Variants in SEL1L2 observed in about 807,000 individuals in gnomAD.
SEL1L2 encodes SEL1L2 adaptor subunit of SYVN1 ubiquitin ligase.
SEL1L2 carries 89 observed loss-of-function variants against 98.8 expected under a neutral mutation model. The observed-to-expected ratio is 0.90, with a 90% CI of 0.76 to 1.07. SEL1L2 has a LOEUF of 1.07. SEL1L2 is among the 50% of genes least tolerant of loss of function. SEL1L2 has a pLI of 0.00. For synonymous variants in SEL1L2, 262 were observed against 278.5 expected (o/e 0.94, Z 0.59); for missense variants, 788 against 812.0 (o/e 0.97, Z 0.36).
intron 1 of SEL1L2, among the ~76,000 whole-genome samples, chr20:13,987,780 T>A (rs1239036084): frequency 6.6e-6 from 1 of 152,242 alleles, no homozygotes. Context: ...TTGTTCATCT[T>A]CTTTGGGAAA....
Position 13,931,697 on chromosome 20 carries a change from T to C in SEL1L2, c.189A>G (p.Lys63=), listed in dbSNP as rs377714335. 364 of 1,568,790 alleles carry C rather than the reference T, an allele frequency of 2.3e-4. No individual in the cohort carries two copies. In the Middle Eastern group the frequency reaches 5.5e-3, roughly 24 times the overall value. ...TCTTTTTCTCCAGGAGATTTTCTCTTTTATTGATTACATTACTAGATGTTC... is the reference window on the plus strand; with the variant it reads ...TCTTTTTCTCCAGGAGATTTTCTCTCTTATTGATTACATTACTAGATGTTC... ...EQRTSSNVIN[K]RENLLEKKKN... Residue 63 remains lysine (K), a synonymous_variant, in exon 3 of 20, where the codon AAA becomes AAG. Coordinates refer to ENST00000284951, the MANE Select transcript of SEL1L2 (RefSeq NM_025229.2).
At chr20:13,880,369 G>T (rs1277982855) in intron 10 of SEL1L2, among the ~76,000 whole-genome samples, 1 of 152,074 alleles carries the variant, frequency 6.6e-6, no homozygotes, top group Non-Finnish European at 1.5e-5. Flanking sequence ...ATTTGATAAA[G>T]ACCTAAAGGA....
rs199562329 is a variant in SEL1L2 at position 13,941,411 on chromosome 20, CT to C, written c.115-9641del. Among the ~76,000 whole-genome samples the C allele has an allele frequency of 7.0e-3, 1,065 of 152,306 alleles. 13 individuals carry two copies. Among genetic ancestry groups the C allele is most frequent in the African/African-American group, 0.024 (1,005 of 41,570 alleles). Reference sequence around the variant, plus strand: ...TTCACTGCCTTCCCCGGGTTTCTGGCTTCTTGAATAAAGCTAACTTTCCTTT... The same window carrying C: ...TTCACTGCCTTCCCCGGGTTTCTGGCTCTTGAATAAAGCTAACTTTCCTTT... On this transcript the variant is annotated intron_variant, in intron 2 of 19. Coordinates refer to ENST00000284951, the MANE Select transcript of SEL1L2 (RefSeq NM_025229.2).
At chr20:13,883,583 A>G (rs901168229) in intron 10 of SEL1L2, among the ~76,000 whole-genome samples, 3 of 152,236 alleles carry the variant, frequency 2.0e-5, no homozygotes, top group Admixed American at 1.3e-4. Flanking sequence ...ATGAGCCCAC[A>G]GGAGATCCTG....
At chr20:13,933,660 A>T (rs2049259257) in intron 2 of SEL1L2, among the ~76,000 whole-genome samples, 1 of 152,206 alleles carries the variant, frequency 6.6e-6, no homozygotes, top group Non-Finnish European at 1.5e-5. Context: ...CAGGGACCCA[A>T]GCAGATATTA....
At chr20:13,909,413 T>C (rs1002672268) in intron 5 of SEL1L2, among the ~76,000 whole-genome samples, 2 of 152,250 alleles carry the variant, frequency 1.3e-5, no homozygotes, top group Non-Finnish European at 2.9e-5. Flanking sequence ...GACTTGCTAC[T>C]GGAAACAGAT....
chr20:13,944,360 G>C (rs1182190397), intron 2 of SEL1L2, among the ~76,000 whole-genome samples: 1 of 152,234 alleles, frequency 6.6e-6, no homozygotes, highest in East Asian at 1.9e-4. Context: ...AGATCAGAGA[G>C]TTGGCTACCA....
intron 10 of SEL1L2, among the ~76,000 whole-genome samples, chr20:13,884,631 C>T (rs1219612233): frequency 1.3e-5 from 2 of 152,080 alleles, no homozygotes; most frequent in African/African-American, 2.4e-5. Flanking sequence ...CCTCAGCTTC[C>T]CGAGTAGCTG....
intron 1 of SEL1L2, among the ~76,000 whole-genome samples, chr20:13,983,512 TTTTG>T (rs1315267504): frequency 3.3e-5 from 5 of 151,116 alleles, no homozygotes; most frequent in Admixed American, 1.3e-4. Context: ...TTGTTTTTTG[TTTTG>T]TTTTTGTTTT....
intron 19 of SEL1L2, 142 bp downstream of exon 19, chr20:13,850,049 T>C: frequency 1.2e-6 from 1 of 835,238 alleles, no homozygotes; most frequent in South Asian, 1.8e-5. Context: ...TTACTCTGCA[T>C]GGCAAGTGTA....
chr20:13,866,898 T>C, intron 14 of SEL1L2, 48 bp from the exon 15 acceptor site: 1 of 1,528,320 alleles, frequency 6.5e-7, no homozygotes, highest in Non-Finnish European at 8.8e-7. Context: ...CTTTATTTTT[T>C]ATATTATAAT....
chr20:13,895,405 T>G (rs2047377842), intron 5 of SEL1L2, among the ~76,000 whole-genome samples: 2 of 141,706 alleles, frequency 1.4e-5, no homozygotes, highest in Admixed American at 7.5e-5. Flanking sequence ...ATCACGCCAC[T>G]GCACTGCACT....
Position 13,865,164 on chromosome 20 carries a change from T to C in SEL1L2, c.1645+3A>G. On this transcript the variant is annotated splice_donor_region_variant and intron_variant, in intron 17 of 19. Coordinates refer to ENST00000284951, the MANE Select transcript of SEL1L2 (RefSeq NM_025229.2). ...TGTGCTTATTTTTATCTGGGTTCCA[T>C]ACCTTGAATGGCAGCTCGATTCCAT... is the stretch of plus-strand genomic sequence containing the variant. 2.5e-6 allele frequency: 4 copies of C among 1,610,386 alleles called. No homozygotes were observed. The highest frequency in any genetic ancestry group is 3.4e-6 in the Non-Finnish European group (4 of 1,177,276).
At chr20:13,856,824 G>C (rs944956447) in intron 18 of SEL1L2, among the ~76,000 whole-genome samples, 1 of 152,166 alleles carries the variant, frequency 6.6e-6, no homozygotes, top group African/African-American at 2.4e-5. Context: ...CAAAGACACT[G>C]TGATAGTGGT....
Position 13,985,556 on chromosome 20 carries a change from C to T in SEL1L2, c.58+4921G>A, listed in dbSNP as rs188934560. On this transcript the variant is annotated intron_variant, in intron 1 of 19. Transcript: ENST00000284951. ...TGCTTCTGTTTTATTACCTACAACA[C>T]TTTATAATTTATTCATTCAATATTT... Among the ~76,000 whole-genome samples the T allele has an allele frequency of 1.2e-3, 183 of 152,308 alleles. 1 individual carries two copies. The highest frequency in any genetic ancestry group is 2.1e-3 in the Non-Finnish European group (145 of 68,016).
intron 1 of SEL1L2, among the ~76,000 whole-genome samples, chr20:13,958,189 TTAAA>T (rs1404758845): frequency 6.6e-6 from 1 of 152,164 alleles, no homozygotes; most frequent in East Asian, 1.9e-4. Flanking sequence ...GGTATGATAA[TTAAA>T]TGAGATCGTT....
At position 13,886,387 on chromosome 20, in the gene SEL1L2, C is replaced by T. The variant is rs766512709; in HGVS notation, c.801G>A (p.Thr267=). 16 of 1,613,640 alleles carry T rather than the reference C, an allele frequency of 9.9e-6. No homozygotes were observed. Among genetic ancestry groups the T allele is most frequent in the Admixed American group, 3.3e-5 (2 of 59,954 alleles). Reference sequence around the variant, plus strand: ...TAGAACTCAGATTTTCAGGTCTTTCCGTTAGTCTCACTTTTTCCACTGGAA... The same window carrying T: ...TAGAACTCAGATTTTCAGGTCTTTCTGTTAGTCTCACTTTTTCCACTGGAA... ...EGVPVEKVRL[T]ERPENLSSNS... The change falls in exon 9 of 20, where the codon ACG becomes ACA. Residue 267 remains threonine (T), a synonymous_variant. Coordinates refer to ENST00000284951, the MANE Select transcript of SEL1L2 (RefSeq NM_025229.2).
chr20:13,882,050 A>G (rs1365407802), intron 10 of SEL1L2, among the ~76,000 whole-genome samples: 3 of 152,226 alleles, frequency 2.0e-5, no homozygotes, highest in Non-Finnish European at 2.9e-5. Context: ...TAATGAATAT[A>G]TTATGTAATG....
At chr20:13,991,469 G>C (rs939790768), upstream of SEL1L2, among the ~76,000 whole-genome samples, 1 of 152,122 alleles carries the variant, frequency 6.6e-6, no homozygotes, top group Admixed American at 6.6e-5. Flanking sequence ...CAAAGACAAG[G>C]CTAGCTCCTC....
Sources: allele counts gnomAD v4.1 joint callset (sites outside exome capture counted in the v4.1 genomes callset), GRCh38; gene constraint gnomAD v4.1.1; transcripts MANE v1.5; gene names NCBI Gene and HGNC (gene_info 2026-07-23, HGNC 2026-07-21).